CDH19: variants seen among roughly 807,000 people sequenced by gnomAD.
CDH19 encodes the protein cadherin 19.
CDH19 carries 67 observed loss-of-function variants against 64.2 expected under a neutral mutation model. The ratio of observed to expected loss-of-function variants is 1.04; its 90% CI spans 0.86 to 1.28. The LOEUF is 1.28. Among genes scored for constraint, CDH19 ranks in the 50% most tolerant of loss-of-function variants. The probability of loss-of-function intolerance (pLI) is 0.00; values close to 1 mark genes in which losing one functional copy is unlikely to be tolerated. For synonymous variants in CDH19, 346 were observed against 319.3 expected (o/e 1.08, Z -0.89); for missense variants, 1,030 against 929.0 (o/e 1.11, Z -1.41).
In CDH19 at chr18:66,504,088, G is replaced by C. The variant is rs1423594592; in HGVS notation, c.*724C>G. On this transcript the variant is annotated 3_prime_UTR_variant, in exon 12 of 12. Transcript: ENST00000262150. Reference sequence around the variant, plus strand: ...CTCACATTAACCATTTAAAAAGGTTGAGCGTTTGCATTAGATGACATTGAA... The same window carrying C: ...CTCACATTAACCATTTAAAAAGGTTCAGCGTTTGCATTAGATGACATTGAA... The C allele has an allele frequency of 1.3e-5, 2 of 151,876 alleles. No individual in the cohort carries two copies. The highest frequency in any genetic ancestry group is 2.9e-5 in the Non-Finnish European group (2 of 67,920). 9.4% of individuals were successfully genotyped at this position (151,876 alleles called of 1,614,324 possible).
rs1415625148 is a variant in CDH19, at chr18:66,564,820, A to T, written c.490+3596T>A. Among the ~76,000 whole-genome samples, 3 of 150,558 alleles carry T rather than the reference A, an allele frequency of 2.0e-5. No individual in the cohort carries two copies. The Admixed American group carries it at 2.0e-4, about 10-fold the overall frequency. Reference sequence around the variant, plus strand: ...AAGTTACCCGACTCTGCTTTGGTTTAATTGCTTATTAAGTAGTATACTACA... The same window carrying T: ...AAGTTACCCGACTCTGCTTTGGTTTTATTGCTTATTAAGTAGTATACTACA... On this transcript the variant is annotated intron_variant, in intron 3 of 11. Transcript: ENST00000262150.
intron 3 of CDH19, among the ~76,000 whole-genome samples, chr18:66,567,837 G>C (rs1987963096): frequency 6.6e-6 from 1 of 151,768 alleles, no homozygotes; most frequent in African/African-American, 2.4e-5. Context: ...TTCCAAGACA[G>C]TCAATTCTTA....
At chr18:66,562,127 G>T (rs147857558) in intron 3 of CDH19, among the ~76,000 whole-genome samples, 1 of 151,864 alleles carries the variant, frequency 6.6e-6, no homozygotes, top group South Asian at 2.1e-4. Flanking sequence ...CCATGGTCAG[G>T]GTGGGGAGTG....
At chr18:66,556,641 T>C (rs1222653788) in intron 3 of CDH19, among the ~76,000 whole-genome samples, 1 of 151,886 alleles carries the variant, frequency 6.6e-6, no homozygotes, top group Non-Finnish European at 1.5e-5. Context: ...TGTAAATATA[T>C]GACACAGTTT....
At chr18:66,589,679 A>T (rs1195887793) in intron 1 of CDH19, among the ~76,000 whole-genome samples, 1 of 138,558 alleles carries the variant, frequency 7.2e-6, no homozygotes, top group Non-Finnish European at 1.6e-5. Flanking sequence ...TGTTATGGAA[A>T]AGATATAATA....
chr18:66,534,863 C>T (rs1467329947), intron 8 of CDH19, 123 bp downstream of exon 8: 15 of 581,322 alleles, frequency 2.6e-5, no homozygotes, highest in Non-Finnish European at 3.9e-5. Context: ...CACACATTTA[C>T]ATTGAATGTC....
intron 9 of CDH19, among the ~76,000 whole-genome samples, chr18:66,527,140 C>A (rs1049596261): frequency 2.7e-5 from 4 of 150,122 alleles, no homozygotes; most frequent in African/African-American, 9.8e-5. Context: ...TTTTAAATAT[C>A]TATTATATAT....
rs1364002799 is a variant in CDH19 at position 66,553,789 on chromosome 18, AAAGAG to A, written c.610+611_610+615del. ...TTAGGGTCATATGATTGTTTAAAGA[AAAGAG>A]AAAACTGTGTTCTACTTATTTTATA... On this transcript the variant is annotated intron_variant, in intron 4 of 11. Coordinates refer to ENST00000262150, the MANE Select transcript of CDH19 (RefSeq NM_021153.4). Among the ~76,000 whole-genome samples, 4 of 134,498 alleles carry A rather than the reference AAAGAG, an allele frequency of 3.0e-5. 1 individual carries two copies. Among genetic ancestry groups the A allele is most frequent in the African/African-American group, 6.8e-5 (2 of 29,316 alleles). 88.2% of individuals were successfully genotyped at this position (134,498 alleles called of 152,430 possible).
chr18:66,586,997 C>T (rs937821020), intron 1 of CDH19, among the ~76,000 whole-genome samples: 2 of 151,946 alleles, frequency 1.3e-5, no homozygotes, highest in African/African-American at 4.8e-5. Flanking sequence ...TTATTTGGAT[C>T]TTCTAATCAG....
chr18:66,528,218 T>A (rs1048241474), intron 9 of CDH19, among the ~76,000 whole-genome samples: 1 of 152,156 alleles, frequency 6.6e-6, no homozygotes, highest in Non-Finnish European at 1.5e-5. Context: ...TGTTTGAAAT[T>A]CTTGAGAACA....
rs2144317982 is a variant in CDH19, at chr18:66,503,228, G to A, written c.*1584C>T. ...TCTTAAAAGGTCGATTAAAATTAAA[G>A]TGTTTTATTATCTTGTTATCTAATG... On this transcript the variant is annotated 3_prime_UTR_variant, in exon 12 of 12. Transcript: ENST00000262150. 6.6e-6 allele frequency: 1 copy of A among 151,904 alleles called. No homozygotes were observed. The highest frequency in any genetic ancestry group is 2.4e-5 in the African/African-American group (1 of 41,542). 9.4% of individuals were successfully genotyped at this position (151,904 alleles called of 1,614,324 possible). A position where few individuals can be genotyped will look rare whatever the true frequency, so the allele number is the denominator to read the frequency against.
intron 1 of CDH19, among the ~76,000 whole-genome samples, chr18:66,573,618 T>C (rs1450349943): frequency 8.8e-6 from 1 of 114,050 alleles, no homozygotes; most frequent in Non-Finnish European, 1.8e-5. Flanking sequence ...TACAATATTA[T>C]TCATGAAAAA....
At position 66,552,198 on chromosome 18, in the gene CDH19, G is replaced by A. The variant is rs771853102; in HGVS notation, c.611-940C>T. On this transcript the variant is annotated intron_variant, in intron 4 of 11. Transcript: ENST00000262150. ...CCATGTAATAAACTTGCACATTTACGCCCTGAACCTAAAATAAAAGTAAAT... is the reference window on the plus strand; with the variant it reads ...CCATGTAATAAACTTGCACATTTACACCCTGAACCTAAAATAAAAGTAAAT... 6.6e-5 allele frequency among the ~76,000 whole-genome samples: 10 copies of A among 151,510 alleles called. 2 individuals carry two copies. The highest frequency in any genetic ancestry group is 4.4e-5 in the Non-Finnish European group (3 of 67,892).
chr18:66,582,312 G>A (rs767284643), intron 1 of CDH19, among the ~76,000 whole-genome samples: 19 of 152,002 alleles, frequency 1.2e-4, no homozygotes, highest in Non-Finnish European at 2.4e-4. Flanking sequence ...GGGAAATGTG[G>A]ATGGGATAAA....
At chr18:66,556,289 A>T (rs1041447046) in intron 3 of CDH19, among the ~76,000 whole-genome samples, 2 of 151,884 alleles carry the variant, frequency 1.3e-5, no homozygotes, top group African/African-American at 4.8e-5. Context: ...AGAGCAAGTA[A>T]AATCTACTCA....
chr18:66,536,767 C>T (rs1001639351), intron 7 of CDH19, among the ~76,000 whole-genome samples: 2 of 151,698 alleles, frequency 1.3e-5, no homozygotes, highest in Admixed American at 6.6e-5. Flanking sequence ...TCTTTTCCCC[C>T]ACTCCACCTT....
chr18:66,535,299 T>C (rs1447074611), intron 7 of CDH19, among the ~76,000 whole-genome samples, 192 bp from the exon 8 acceptor site: 1 of 151,710 alleles, frequency 6.6e-6, no homozygotes, highest in Admixed American at 6.6e-5. Flanking sequence ...AAAAAAGACG[T>C]AACATGACTT....
chr18:66,511,510 A>G lies in CDH19; in HGVS notation c.1576+58T>C, dbSNP rs148591918. 1.5e-5 allele frequency: 11 copies of G among 727,162 alleles called. No homozygotes were observed. The East Asian group carries it at 2.9e-4, about 19-fold the overall frequency. 45.0% of individuals were successfully genotyped at this position (727,162 alleles called of 1,614,324 possible). On this transcript the variant is annotated intron_variant, in intron 10 of 11. Coordinates refer to ENST00000262150, the MANE Select transcript of CDH19 (RefSeq NM_021153.4). ...AAAAATCCATGCCATAAATTCCATT[A>G]AAGTCTAACATGAGTCACAAAAATG...
At chr18:66,568,024 A>C (rs1324577819) in intron 3 of CDH19, among the ~76,000 whole-genome samples, 2 of 151,792 alleles carry the variant, frequency 1.3e-5, no homozygotes, top group Non-Finnish European at 2.9e-5. Context: ...GAGTCTAATA[A>C]ATTCACTTTT....
Sources: gnomAD v4.1 joint callset for allele counts (sites outside exome capture counted in the v4.1 genomes callset) on GRCh38, gnomAD v4.1.1 for gene constraint, MANE v1.5 for transcripts, NCBI Gene and HGNC (gene_info 2026-07-23, HGNC 2026-07-21) for gene names.